The following TRPM3 variants were observed in gnomAD, a reference collection of about 807,000 sequenced individuals.
The protein encoded by TRPM3 is transient receptor potential cation channel subfamily M member 3, also known as long transient receptor potential channel 3.
A neutral mutation model predicts 181.2 loss-of-function variants in TRPM3; 77 were observed. That is an observed-to-expected ratio of 0.42 (90% CI 0.35 to 0.51). The LOEUF is 0.51. TRPM3 is among the 20% of genes least tolerant of loss of function. The pLI is 0.01. For missense variants in TRPM3, 1,759 were observed against 2,196.7 expected (o/e 0.80, Z 3.98); for synonymous variants, 745 against 796.4 (o/e 0.94, Z 1.09).
intron 22 of TRPM3, chr9:70,579,024 T>A (rs1371964604): frequency 6.6e-6 from 1 of 152,182 alleles, no homozygotes; most frequent in Admixed American, 6.5e-5. Context: ...TGAGAACCAG[T>A]GAGATAGACC....
At chr9:71,019,611 T>C (rs2097824809) in intron 1 of TRPM3, among the ~76,000 whole-genome samples, 1 of 152,190 alleles carries the variant, frequency 6.6e-6, no homozygotes, top group East Asian at 1.9e-4. Context: ...ATATACTAGA[T>C]TCATGGATTG....
chr9:70,772,639 C>A (rs1427740282), intron 7 of TRPM3, among the ~76,000 whole-genome samples: 1 of 152,216 alleles, frequency 6.6e-6, no homozygotes, highest in African/African-American at 2.4e-5. Context: ...TCAGAGAATT[C>A]TGTTGGGCAG....
intron 9 of TRPM3, among the ~76,000 whole-genome samples, chr9:70,661,105 C>T (rs978914117): frequency 2.6e-5 from 4 of 151,010 alleles, no homozygotes; most frequent in Admixed American, 1.3e-4. Flanking sequence ...TGGTTTCATA[C>T]CAGGAATGCA....
chr9:71,120,333 CA>C (rs1213537713), intron 1 of TRPM3, among the ~76,000 whole-genome samples: 1 of 152,086 alleles, frequency 6.6e-6, no homozygotes, highest in Non-Finnish European at 1.5e-5. Context: ...ATTTACTGGG[CA>C]AAAATGCTTG....
intron 1 of TRPM3, among the ~76,000 whole-genome samples, chr9:71,231,408 T>C (rs757824065): frequency 7.9e-5 from 12 of 152,192 alleles, no homozygotes; most frequent in South Asian, 2.1e-4. Flanking sequence ...CCAAGAATAC[T>C]GGTGGCTTCT....
chr9:71,379,784 C>T (rs2092754651), intron 1 of TRPM3, among the ~76,000 whole-genome samples: 1 of 151,954 alleles, frequency 6.6e-6, no homozygotes, highest in Non-Finnish European at 1.5e-5. Context: ...TCAGACAGCC[C>T]TGACCTCAAA....
chr9:70,969,695 C>T (rs1395877858), intron 1 of TRPM3, among the ~76,000 whole-genome samples: 1 of 149,508 alleles, frequency 6.7e-6, no homozygotes, highest in Non-Finnish European at 1.5e-5. Flanking sequence ...TCAGTTTCCT[C>T]ATCTGTAAAT....
At chr9:71,038,093 G>A (rs983401952) in intron 1 of TRPM3, among the ~76,000 whole-genome samples, 5 of 152,246 alleles carry the variant, frequency 3.3e-5, no homozygotes, top group African/African-American at 1.2e-4. Context: ...GGTAAAAGAT[G>A]GAGTGACAGA....
At chr9:71,372,913 AAT>A (rs1480272285) in intron 1 of TRPM3, among the ~76,000 whole-genome samples, 2 of 152,126 alleles carry the variant, frequency 1.3e-5, no homozygotes, top group Non-Finnish European at 2.9e-5. Context: ...GAACTGAAAT[AAT>A]AAACAGTCTG....
chr9:70,542,392 T>C (rs2043667568), intron 25 of TRPM3, among the ~76,000 whole-genome samples: 2 of 152,196 alleles, frequency 1.3e-5, no homozygotes, highest in African/African-American at 2.4e-5. Context: ...CCCTCTTTCA[T>C]ATCTCCAGAC....
intron 1 of TRPM3, among the ~76,000 whole-genome samples, chr9:71,092,177 TA>T (rs2066340524): frequency 6.6e-6 from 1 of 152,158 alleles, no homozygotes; most frequent in Non-Finnish European, 1.5e-5. Flanking sequence ...TGCTTTGGCC[TA>T]AATTGCCTTT....
chr9:70,883,061 T>C (rs773076937), intron 1 of TRPM3, among the ~76,000 whole-genome samples: 13 of 152,194 alleles, frequency 8.5e-5, no homozygotes, highest in Non-Finnish European at 1.8e-4. Flanking sequence ...GATATATATG[T>C]AAGAGTACAA....
chr9:70,784,422 C>T, intron 6 of TRPM3, 143 bp from the exon 7 acceptor site: 1 of 919,084 alleles, frequency 1.1e-6, no homozygotes, highest in Non-Finnish European at 1.6e-6. Flanking sequence ...GGATATGGTA[C>T]TGAGCAAAAA....
chr9:70,573,135 A>C (rs188686066), intron 22 of TRPM3, among the ~76,000 whole-genome samples: 47 of 152,358 alleles, frequency 3.1e-4, no homozygotes, highest in Non-Finnish European at 5.1e-4. Context: ...CAACAATTCC[A>C]GAAGCCATAG....
chr9:71,023,209 A>C (rs1355285886), intron 1 of TRPM3, among the ~76,000 whole-genome samples: 1 of 152,226 alleles, frequency 6.6e-6, no homozygotes, highest in Non-Finnish European at 1.5e-5. Flanking sequence ...AAGAAGAAAT[A>C]GAGGTGGCAG....
At chr9:71,001,533 A>G (rs1011030928) in intron 1 of TRPM3, among the ~76,000 whole-genome samples, 2 of 152,214 alleles carry the variant, frequency 1.3e-5, no homozygotes, top group African/African-American at 2.4e-5. Context: ...TGAATTACCT[A>G]TGCAGGCCTT....
At chr9:71,012,008 C>T (rs1220821438) in intron 1 of TRPM3, among the ~76,000 whole-genome samples, 1 of 152,060 alleles carries the variant, frequency 6.6e-6, no homozygotes, top group Non-Finnish European at 1.5e-5. Context: ...GTCTCGAATT[C>T]CTGGGCTCAA....
intron 9 of TRPM3, among the ~76,000 whole-genome samples, chr9:70,676,864 C>G (rs11142545): frequency 6.6e-6 from 1 of 151,916 alleles, no homozygotes; most frequent in African/African-American, 2.4e-5. Flanking sequence ...AACTGGAAAC[C>G]GTCTTCCCCA....
chr9:70,973,007 G>A (rs2097262135), intron 1 of TRPM3, among the ~76,000 whole-genome samples: 1 of 152,080 alleles, frequency 6.6e-6, no homozygotes, highest in African/African-American at 2.4e-5. Flanking sequence ...TTAAGGCATT[G>A]TGACACTCAT....
Sources: gnomAD v4.1 joint callset for allele counts (sites outside exome capture counted in the v4.1 genomes callset) on GRCh38, gnomAD v4.1.1 for gene constraint, MANE v1.5 for transcripts, NCBI Gene and HGNC (gene_info 2026-07-23, HGNC 2026-07-21) for gene names.